ZNF451: variants seen among roughly 807,000 people sequenced by gnomAD.
ZNF451 encodes E3 SUMO-protein ligase ZNF451.
ZNF451 carries 80 observed loss-of-function variants against 107.1 expected under a neutral mutation model. That is an observed-to-expected ratio of 0.75 (90% CI 0.62 to 0.90). The LOEUF (loss-of-function observed/expected upper bound fraction) is 0.90, where lower values mean the gene tolerates loss of function less well. Ranked by LOEUF, ZNF451 falls within the 40% of genes least tolerant of loss-of-function variation. The pLI is 0.00. For synonymous variants in ZNF451, 362 were observed against 406.5 expected, an observed-to-expected ratio of 0.89 and a Z score of 1.32; for missense variants, 1,107 against 1,236.2, an observed-to-expected ratio of 0.90 and a Z score of 1.57.
At chr6:57,142,391 A>C (rs1478758979) in intron 9 of ZNF451, among the ~76,000 whole-genome samples, 1 of 152,226 alleles carries the variant, frequency 6.6e-6, no homozygotes, top group South Asian at 2.1e-4. Flanking sequence ...CTTGGCTTTA[A>C]GTCAACCAGA....
intron 9 of ZNF451, among the ~76,000 whole-genome samples, 168 bp downstream of exon 9, chr6:57,142,263 A>T (rs991353684): frequency 6.6e-6 from 1 of 152,216 alleles, no homozygotes; most frequent in Non-Finnish European, 1.5e-5. Context: ...GTTGTGGAAA[A>T]CGTGGATATA....
intron 2 of ZNF451, among the ~76,000 whole-genome samples, chr6:57,098,390 C>T (rs9367710): frequency 0.09 from 13,619 of 151,948 alleles, 676 homozygotes; most frequent in East Asian, 0.096. Flanking sequence ...ATATCCACTA[C>T]CATACTCTTC....
intron 3 of ZNF451, among the ~76,000 whole-genome samples, chr6:57,113,705 T>C (rs1311828066): frequency 6.7e-6 from 1 of 149,534 alleles, no homozygotes; most frequent in Non-Finnish European, 1.5e-5. Context: ...CACTGCAAGC[T>C]CCACCTCCCG....
intron 4 of ZNF451, among the ~76,000 whole-genome samples, chr6:57,125,198 A>G (rs374132650): frequency 2.6e-5 from 4 of 152,330 alleles, no homozygotes; most frequent in Admixed American, 1.3e-4. Flanking sequence ...TTTTATAGAT[A>G]TAAGCTGTTG....
At chr6:57,151,592 AT>A (rs1312519306) in intron 11 of ZNF451, among the ~76,000 whole-genome samples, 1 of 151,954 alleles carries the variant, frequency 6.6e-6, no homozygotes, top group Non-Finnish European at 1.5e-5. Context: ...TAGCAGAATT[AT>A]TTGGCCTCTC....
chr6:57,104,507 C>A (rs1829753178), intron 3 of ZNF451: 1 of 985,084 alleles, frequency 1.0e-6, no homozygotes, highest in Non-Finnish European at 1.2e-6. Flanking sequence ...TTAAACTAAA[C>A]CGAAATAAGT....
chr6:57,163,274 C>A (rs553487475), intron 14 of ZNF451, among the ~76,000 whole-genome samples: 37 of 152,040 alleles, frequency 2.4e-4, no homozygotes, highest in Admixed American at 1.2e-3. Context: ...TTCTGGGCTC[C>A]CTCTGTACCA....
At chr6:57,158,594 A>G in intron 13 of ZNF451, 1 of 985,448 alleles carries the variant, frequency 1.0e-6, no homozygotes, top group Non-Finnish European at 1.2e-6. Flanking sequence ...TGTGGTTTCA[A>G]AGAAATTCAC....
At chr6:57,125,849 A>C (rs1242452446) in intron 4 of ZNF451, among the ~76,000 whole-genome samples, 1 of 152,116 alleles carries the variant, frequency 6.6e-6, no homozygotes, top group Non-Finnish European at 1.5e-5. Flanking sequence ...ACACACACAC[A>C]TACACATATG....
chr6:57,117,897 C>T (rs560209974), intron 3 of ZNF451, among the ~76,000 whole-genome samples: 2 of 152,206 alleles, frequency 1.3e-5, no homozygotes, highest in East Asian at 3.9e-4. Context: ...GATAGTTCTT[C>T]CCGAGTTAGG....
At chr6:57,120,445 A>G (rs903562729) in intron 3 of ZNF451, among the ~76,000 whole-genome samples, 1 of 152,184 alleles carries the variant, frequency 6.6e-6, no homozygotes, top group Non-Finnish European at 1.5e-5. Flanking sequence ...AAGAAGTCCA[A>G]TATGTTTAGT....
At chr6:57,141,709 A>G (rs577864950) in intron 8 of ZNF451, among the ~76,000 whole-genome samples, 2 of 152,320 alleles carry the variant, frequency 1.3e-5, no homozygotes, top group East Asian at 3.9e-4. Flanking sequence ...GTTATGTTAT[A>G]TCATGATATC....
At chr6:57,127,165 C>G (rs897600164) in intron 4 of ZNF451, among the ~76,000 whole-genome samples, 1 of 151,994 alleles carries the variant, frequency 6.6e-6, no homozygotes, top group Non-Finnish European at 1.5e-5. Flanking sequence ...GTATAGTGAT[C>G]CTGTAGGATA....
At chr6:57,104,319 C>G (rs1829745236) in intron 3 of ZNF451, 1 of 985,356 alleles carries the variant, frequency 1.0e-6, no homozygotes, top group African/African-American at 1.7e-5. Context: ...AGAGGACTTG[C>G]CACTGGAGAA....
chr6:57,124,449 G>T, intron 3 of ZNF451: 1 of 716,566 alleles, frequency 1.4e-6, no homozygotes, highest in South Asian at 1.5e-5. Flanking sequence ...TTTGCCTGAT[G>T]ACCCTACCTC....
At chr6:57,161,047 T>C in intron 13 of ZNF451, 37 bp from the exon 14 acceptor site, 2 of 1,350,986 alleles carry the variant, frequency 1.5e-6, no homozygotes, top group Non-Finnish European at 2.0e-6. Context: ...CATAAATTTA[T>C]GGCACAATAA....
intron 7 of ZNF451, among the ~76,000 whole-genome samples, chr6:57,139,339 T>C (rs1831635788): frequency 6.6e-6 from 1 of 152,164 alleles, no homozygotes; most frequent in Non-Finnish European, 1.5e-5. Flanking sequence ...TTATCAGAAC[T>C]TCAATTTTCT....
rs1829731121 is a variant in ZNF451 at position 57,104,037 on chromosome 6, G to A, written c.186+4896G>A. On this transcript the variant is annotated intron_variant, in intron 3 of 14. Coordinates refer to ENST00000370706, the MANE Select transcript of ZNF451 (RefSeq NM_001031623.3). ...AAACTTGAACTAGTCTTAATAAAGG[G>A]GATATTGTTTTGCAAATTTAGCCCA... 9 of 984,898 alleles carry A rather than the reference G, an allele frequency of 9.1e-6. No homozygotes were observed. In the South Asian group the frequency reaches 2.4e-4, roughly 26 times the overall value. The allele number at this position is 984,898 out of a possible 1,614,324, so 61.0% of individuals were successfully genotyped here. A position where few individuals can be genotyped will look rare whatever the true frequency, so the allele number is the denominator to read the frequency against.
intron 14 of ZNF451, among the ~76,000 whole-genome samples, chr6:57,167,182 T>TACACAC (rs397975599): frequency 1.1e-4 from 17 of 149,928 alleles, no homozygotes; most frequent in African/African-American, 4.2e-4. Flanking sequence ...CGTATATATA[T>TACACAC]ACACACACAC....
Sources: allele counts gnomAD v4.1 joint callset (sites outside exome capture counted in the v4.1 genomes callset), GRCh38; gene constraint gnomAD v4.1.1; transcripts MANE v1.5; gene names NCBI Gene and HGNC (gene_info 2026-07-23, HGNC 2026-07-21).